The following SFSWAP variants were observed in gnomAD, a reference collection of about 807,000 sequenced individuals.
SFSWAP encodes splicing factor SWAP.
A neutral mutation model predicts 100.7 loss-of-function variants in SFSWAP; 17 were observed. That is an observed-to-expected ratio of 0.17 (90% CI 0.12 to 0.25). The LOEUF is 0.25. Among genes scored for constraint, SFSWAP ranks in the 10% least tolerant of loss-of-function variants. The probability of loss-of-function intolerance (pLI) is 1.00; values close to 1 mark genes in which losing one functional copy is unlikely to be tolerated. For synonymous variants in SFSWAP, 504 were observed against 510.1 expected, an observed-to-expected ratio of 0.99 and a Z score of 0.16; for missense variants, 1,005 against 1,262.6, an observed-to-expected ratio of 0.80 and a Z score of 3.09.
At chr12:131,736,212 C>A (rs1289800592) in intron 7 of SFSWAP, among the ~76,000 whole-genome samples, 1 of 152,168 alleles carries the variant, frequency 6.6e-6, no homozygotes, top group African/African-American at 2.4e-5. Flanking sequence ...ACCAAGCTAA[C>A]AGGAAGGGGT....
At chr12:131,766,520 G>T (rs775318293) in intron 13 of SFSWAP, among the ~76,000 whole-genome samples, 16 of 152,324 alleles carry the variant, frequency 1.1e-4, no homozygotes, top group Middle Eastern at 3.4e-3. Context: ...AGTCACGCCA[G>T]CAGCAAACAC....
At position 131,799,717 on chromosome 12, in the gene SFSWAP, G is replaced by A; in HGVS notation, c.*229G>A. The A allele has an allele frequency of 1.8e-6, 1 of 541,444 alleles. No homozygotes were observed. The highest frequency in any genetic ancestry group is 3.3e-5 in the Admixed American group (1 of 30,008). The allele number at this position is 541,444 out of a possible 1,614,324, so 33.5% of individuals were successfully genotyped here. ...AAATGTATTATGAAATAAAATGGGA[G>A]GAAACACCTTTTCTAGCTAGACCCT... On this transcript the variant is annotated 3_prime_UTR_variant, in exon 18 of 18. Transcript: ENST00000261674.
chr12:131,761,079 A>G (rs1033880433), intron 11 of SFSWAP, among the ~76,000 whole-genome samples: 1 of 152,200 alleles, frequency 6.6e-6, no homozygotes, highest in Admixed American at 6.5e-5. Context: ...CTCAAAGTGA[A>G]AATAGCAGGT....
chr12:131,757,696 G>C (rs886897710), intron 11 of SFSWAP, among the ~76,000 whole-genome samples: 2 of 152,158 alleles, frequency 1.3e-5, no homozygotes, highest in Non-Finnish European at 1.5e-5. Context: ...TGTTGTATGA[G>C]AATGGTGATC....
chr12:131,773,125 T>C lies in SFSWAP; in HGVS notation c.2143-4940T>C, dbSNP rs561492774. Among the ~76,000 whole-genome samples, 4 of 152,288 alleles carry C rather than the reference T, an allele frequency of 2.6e-5. No homozygotes were observed. The East Asian group carries it at 7.7e-4, about 29-fold the overall frequency. ...CATTCAGGTGGGAAAACAGGGATAG[T>C]TGTCACTTTGGGCCACGGGTCCAGG... On this transcript the variant is annotated intron_variant, in intron 13 of 17. Transcript: ENST00000261674.
chr12:131,779,785 T>G (rs1884351933), intron 14 of SFSWAP, among the ~76,000 whole-genome samples: 1 of 152,242 alleles, frequency 6.6e-6, no homozygotes, highest in East Asian at 1.9e-4. Flanking sequence ...TTTATTTATT[T>G]ATTCATTTAT....
intron 14 of SFSWAP, chr12:131,784,948 A>G: frequency 1.5e-6 from 1 of 670,676 alleles, no homozygotes; most frequent in Non-Finnish European, 2.3e-6. Context: ...TTATTGTAGA[A>G]TTCTACGTGT....
intron 9 of SFSWAP, among the ~76,000 whole-genome samples, chr12:131,754,943 G>A (rs1486712960): frequency 6.6e-6 from 1 of 152,060 alleles, no homozygotes; most frequent in African/African-American, 2.4e-5. Flanking sequence ...AATGTCTTTA[G>A]ATAAATACAT....
At chr12:131,770,589 A>G (rs1385072949) in intron 13 of SFSWAP, among the ~76,000 whole-genome samples, 5 of 151,030 alleles carry the variant, frequency 3.3e-5, no homozygotes, top group African/African-American at 1.2e-4. Flanking sequence ...GAAAGGTATA[A>G]AACAAAGAGG....
At chr12:131,740,132 C>T (rs760793357) in intron 7 of SFSWAP, among the ~76,000 whole-genome samples, 1 of 152,108 alleles carries the variant, frequency 6.6e-6, no homozygotes, top group Non-Finnish European at 1.5e-5. Context: ...TGCAGGGTGG[C>T]CCGGGGTAGC....
intron 5 of SFSWAP, 66 bp from the exon 6 acceptor site, chr12:131,726,874 G>A: frequency 1.0e-6 from 1 of 997,088 alleles, no homozygotes; most frequent in Non-Finnish European, 1.6e-6. Flanking sequence ...CTAAGTTTTT[G>A]CATAATTAAT....
In SFSWAP at chr12:131,714,164, G is replaced by A. The variant is rs748242104; in HGVS notation, c.312G>A (p.Ala104=). The A allele has an allele frequency of 1.9e-5, 31 of 1,613,858 alleles. No individual in the cohort carries two copies. In the Admixed American group the frequency reaches 3.5e-4, roughly 18 times the overall value. The part of the protein sequence containing the change: ...NRDYQLSEEE[A]RIEALCDEER... ...ATTATCAGCTGTCTGAAGAGGAGGC[G>A]CGAATAGAGGCCCTGTGTGATGAAG... The change falls in exon 2 of 18, where the codon GCG becomes GCA. Residue 104 remains alanine, a synonymous_variant. Transcript: ENST00000261674. The surrounding 1 kb of genome is among the most constrained non-coding windows in gnomAD (Gnocchi z 6.0).
Position 131,725,291 on chromosome 12 carries a change from C to T in SFSWAP, c.607-114C>T, listed in dbSNP as rs1405288795. The stretch of plus-strand genomic sequence containing the variant: ...CCTGGGCTCTTCCAGCTTAAAGTCT[C>T]GTATCTCTTAAAATTGACAGTAAAA... On this transcript the variant is annotated intron_variant, in intron 4 of 17. Coordinates refer to ENST00000261674, the MANE Select transcript of SFSWAP (RefSeq NM_004592.4). This position sits in a 1 kb window ranked among gnomAD's most constrained non-coding sequence, Gnocchi z 4.3. 4.6e-6 allele frequency: 4 copies of T among 869,128 alleles called. No individual in the cohort carries two copies. The highest frequency in any genetic ancestry group is 1.5e-5 in the South Asian group (1 of 66,058). The allele number at this position is 869,128 out of a possible 1,614,324, so 53.8% of individuals were successfully genotyped here. A position where few individuals can be genotyped will look rare whatever the true frequency, so the allele number is the denominator to read the frequency against.
At chr12:131,726,205 T>A (rs1338668407) in intron 5 of SFSWAP, among the ~76,000 whole-genome samples, 1 of 151,304 alleles carries the variant, frequency 6.6e-6, no homozygotes, top group African/African-American at 2.4e-5. Flanking sequence ...CCATTGAATT[T>A]TTTTTTTTTT....
At position 131,714,968 on chromosome 12, in the gene SFSWAP, G is replaced by T. The variant is rs1271273413; in HGVS notation, c.520+15G>T. 1.3e-5 allele frequency: 21 copies of T among 1,613,498 alleles called. No individual in the cohort carries two copies. The highest frequency in any genetic ancestry group is 1.8e-4 in the Middle Eastern group (1 of 5,674). ...CAAACAGAGAGGTGAGTGGGGAGCT[G>T]CCTGGACTGCTGGTGTAGGGCTACA... On this transcript the variant is annotated intron_variant, in intron 3 of 17. Transcript: ENST00000261674. This position sits in a 1 kb window ranked among gnomAD's most constrained non-coding sequence, Gnocchi z 6.0.
At position 131,778,478 on chromosome 12, in the gene SFSWAP, T is replaced by A. The variant is rs114682087; in HGVS notation, c.2408+148T>A. Reference sequence around the variant, plus strand: ...TGCATGTGCATGTGTGCCCTGCAAGTCCAAGTAAGATCTTTTTCAGATTTT... The same window carrying A: ...TGCATGTGCATGTGTGCCCTGCAAGACCAAGTAAGATCTTTTTCAGATTTT... On this transcript the variant is annotated intron_variant, in intron 14 of 17. Coordinates refer to ENST00000261674, the MANE Select transcript of SFSWAP (RefSeq NM_004592.4). This position sits in a 1 kb window ranked among gnomAD's most constrained non-coding sequence, Gnocchi z 4.2. 1,975 of 1,259,968 alleles carry A rather than the reference T, an allele frequency of 1.6e-3. 28 individuals are homozygous for A. In the African/African-American group the frequency reaches 0.025, roughly 16 times the overall value. The allele number at this position is 1,259,968 out of a possible 1,614,324, so 78.0% of individuals were successfully genotyped here.
At chr12:131,779,983 A>G (rs1455129779) in intron 14 of SFSWAP, among the ~76,000 whole-genome samples, 1 of 152,036 alleles carries the variant, frequency 6.6e-6, no homozygotes, top group Non-Finnish European at 1.5e-5. Flanking sequence ...ATTGGGTTTC[A>G]CCATGTTGGC....
intron 7 of SFSWAP, among the ~76,000 whole-genome samples, chr12:131,740,780 A>C (rs1880525603): frequency 6.6e-6 from 1 of 151,924 alleles, no homozygotes; most frequent in Non-Finnish European, 1.5e-5. Context: ...GCAGGGCCCC[A>C]CAGCCTTTCT....
rs866221819 is a variant in SFSWAP at position 131,711,254 on chromosome 12, G to C, written c.25G>C (p.Ala9Pro). ...CATGTACGGCGCGAGCGGGGGCCGC[G>C]CCAAACCCGAGAGGAAAAGCGGCGC... MYGASGGR[A>P]KPERKSGAKE... The change falls in exon 1 of 18, where the codon GCC becomes CCC. Residue 9 changes from alanine to proline, a missense_variant. This residue lies in a region of SFSWAP where 237 missense variants were observed against 337.0 expected (regional missense o/e 0.70). Transcript: ENST00000261674. This position sits in a 1 kb window ranked among gnomAD's most constrained non-coding sequence, Gnocchi z 4.9. The C allele has an allele frequency of 6.2e-7, 1 of 1,607,936 alleles. No homozygotes were observed. Among genetic ancestry groups the C allele is most frequent in the African/African-American group, 1.3e-5 (1 of 74,974 alleles).
Sources: allele counts gnomAD v4.1 joint callset (sites outside exome capture counted in the v4.1 genomes callset), GRCh38; gene constraint gnomAD v4.1.1; regional missense constraint gnomAD v4.1.1; non-coding constraint Gnocchi (gnomAD v3.1); transcripts MANE v1.5; gene names NCBI Gene and HGNC (gene_info 2026-07-23, HGNC 2026-07-21).